The following ALPK1 variants were observed in gnomAD, a reference collection of about 807,000 sequenced individuals.
The protein encoded by ALPK1 is alpha kinase 1, also known as alpha-protein kinase 1.
ALPK1 carries 110 observed loss-of-function variants against 120.6 expected under a neutral mutation model. That is an observed-to-expected ratio of 0.91 (90% CI 0.78 to 1.07). ALPK1 has a LOEUF of 1.07. ALPK1 is among the 50% of genes least tolerant of loss of function. The probability of loss-of-function intolerance (pLI) is 0.00; values close to 1 mark genes in which losing one functional copy is unlikely to be tolerated. For synonymous variants in ALPK1, 582 were observed against 560.3 expected (o/e 1.04, Z -0.55); for missense variants, 1,498 against 1,483.9 (o/e 1.01, Z -0.16).
chr4:112,385,460 A>G (rs1002459333), intron 4 of ALPK1, among the ~76,000 whole-genome samples: 1 of 152,146 alleles, frequency 6.6e-6, no homozygotes. Flanking sequence ...AATGTATTTA[A>G]TCTGGCAGCT....
intron 6 of ALPK1, among the ~76,000 whole-genome samples, chr4:112,424,659 T>A (rs1206921657): frequency 6.6e-6 from 1 of 152,184 alleles, no homozygotes; most frequent in African/African-American, 2.4e-5. Flanking sequence ...TGCCTGAAAC[T>A]TGTGGACATT....
chr4:112,332,213 C>G (rs995632131), intron 2 of ALPK1, among the ~76,000 whole-genome samples: 5 of 152,118 alleles, frequency 3.3e-5, no homozygotes, highest in African/African-American at 1.2e-4. Flanking sequence ...AAATATAAAG[C>G]CTATGGTTTA....
At chr4:112,358,900 T>C in intron 2 of ALPK1, 1 of 770,518 alleles carries the variant, frequency 1.3e-6, no homozygotes, top group Non-Finnish European at 2.4e-6. Context: ...CTTGGCCTCC[T>C]CTTTGCTGAA....
At chr4:112,397,692 T>C (rs1162926005) in intron 4 of ALPK1, among the ~76,000 whole-genome samples, 2 of 152,226 alleles carry the variant, frequency 1.3e-5, no homozygotes, top group African/African-American at 4.8e-5. Flanking sequence ...GCTTAAAATG[T>C]ACATAATTTA....
chr4:112,379,093 C>T (rs1322063994), intron 3 of ALPK1, among the ~76,000 whole-genome samples: 1 of 152,198 alleles, frequency 6.6e-6, no homozygotes, highest in Non-Finnish European at 1.5e-5. Context: ...GTGTTGTGTT[C>T]TGTTGTTTCC....
Position 112,430,623 on chromosome 4 carries a change from T to C in ALPK1, c.1076T>C (p.Phe359Ser), listed in dbSNP as rs1734494854. The change falls in exon 11 of 16, where the codon TTC (phenylalanine) becomes TCC (serine). Residue 359 changes from phenylalanine (F) to serine (S), a missense_variant. By Grantham distance (155) the Phe-to-Ser change is radical. Coordinates refer to ENST00000650871, the MANE Select transcript of ALPK1 (RefSeq NM_025144.4). ...QELHSFVKAA[F>S]GLTTVHRRLH... is the part of the protein sequence containing the mutation. ...CTTCACAGCTTTGTCAAAGCTGCTTTCGGTCTCACCACAGTGCACAGAAGG... is the reference window on the plus strand; with the variant it reads ...CTTCACAGCTTTGTCAAAGCTGCTTCCGGTCTCACCACAGTGCACAGAAGG... The C allele has an allele frequency of 1.2e-6, 2 of 1,614,120 alleles. No homozygotes were observed.
In ALPK1 at chr4:112,432,435, G is replaced by C. The variant is rs1467137588; in HGVS notation, c.2888G>C (p.Gly963Ala). ...GGGAGTTCTTGGGTTTCATTGCCGG[G>C]AAAGATGAGGAAAGAGATCCTTGAG... is the stretch of plus-strand genomic sequence containing the variant. ...SSGSSWVSLP[G>A]KMRKEILEAR... Residue 963 changes from glycine (G) to alanine (A), a missense_variant, in exon 11 of 16, where the codon GGA (glycine) becomes GCA (alanine). Transcript: ENST00000650871. The C allele has an allele frequency of 6.2e-7, 1 of 1,614,032 alleles. No individual in the cohort carries two copies. Among genetic ancestry groups the C allele is most frequent in the African/African-American group, 1.3e-5 (1 of 74,916 alleles).
intron 6 of ALPK1, 186 bp from the exon 7 acceptor site, chr4:112,425,479 A>G (rs1228712012): frequency 6.5e-6 from 3 of 462,752 alleles, no homozygotes; most frequent in Non-Finnish European, 1.2e-5. Context: ...ACTGGAGACC[A>G]GACAGGAGTC....
intron 1 of ALPK1, among the ~76,000 whole-genome samples, chr4:112,310,467 T>C (rs534943131): frequency 3.3e-5 from 5 of 152,258 alleles, no homozygotes; most frequent in Admixed American, 6.5e-5. Context: ...TCAGCGGGTA[T>C]GTGTTTTAAA....
At chr4:112,309,024 G>A (rs1379948869) in intron 1 of ALPK1, among the ~76,000 whole-genome samples, 3 of 152,160 alleles carry the variant, frequency 2.0e-5, no homozygotes, top group Non-Finnish European at 4.4e-5. Context: ...TCCAGACCCT[G>A]TTTGCCTGGG....
rs554668253 is a variant in ALPK1, at chr4:112,425,643, G to A, written c.536-22G>A. The A allele has an allele frequency of 9.7e-5, 156 of 1,602,074 alleles. 3 individuals carry two copies. The South Asian group carries it at 1.5e-3, about 15-fold the overall frequency. On this transcript the variant is annotated intron_variant, in intron 6 of 15. Transcript: ENST00000650871. ...AGGCTATATCTCTGATAATTCAAGG[G>A]AATTTTCATCTTTTCTTTTAGGTAC...
At chr4:112,367,689 C>A (rs1286330880) in intron 2 of ALPK1, among the ~76,000 whole-genome samples, 1 of 152,164 alleles carries the variant, frequency 6.6e-6, no homozygotes, top group Admixed American at 6.5e-5. Flanking sequence ...AATTTGCAAT[C>A]ACAATTATCT....
intron 2 of ALPK1, among the ~76,000 whole-genome samples, chr4:112,362,547 TA>T (rs991486049): frequency 6.6e-6 from 1 of 150,644 alleles, no homozygotes; most frequent in Admixed American, 6.6e-5. Flanking sequence ...AAAAAAGAAT[TA>T]AAAAAAAATG....
chr4:112,411,722 G>A (rs1426178075), intron 4 of ALPK1, 105 bp from the exon 5 acceptor site: 3 of 1,073,984 alleles, frequency 2.8e-6, no homozygotes, highest in Admixed American at 2.3e-5. Context: ...TCTCTTCCTA[G>A]CTGTGGGTTT....
chr4:112,311,023 G>A (rs1298320832), intron 1 of ALPK1, among the ~76,000 whole-genome samples: 1 of 152,186 alleles, frequency 6.6e-6, no homozygotes, highest in African/African-American at 2.4e-5. Flanking sequence ...AAGGTGACTT[G>A]CACAAGTTCA....
chr4:112,351,874 C>A (rs1730375664), intron 2 of ALPK1, among the ~76,000 whole-genome samples: 1 of 152,204 alleles, frequency 6.6e-6, no homozygotes, highest in Non-Finnish European at 1.5e-5. Flanking sequence ...TATATATAAT[C>A]AATTATCTCA....
At chr4:112,305,884 T>G (rs994932243) in intron 1 of ALPK1, among the ~76,000 whole-genome samples, 5 of 152,160 alleles carry the variant, frequency 3.3e-5, no homozygotes, top group African/African-American at 1.2e-4. Context: ...TGGCTGTGGG[T>G]TTGTCATAGA....
chr4:112,325,992 G>A (rs1203172203), intron 2 of ALPK1, among the ~76,000 whole-genome samples: 1 of 152,082 alleles, frequency 6.6e-6, no homozygotes, highest in Non-Finnish European at 1.5e-5. Context: ...ACTCAAACTG[G>A]TGTCTCTGGC....
At chr4:112,422,937 C>T (rs1734065912) in intron 5 of ALPK1, among the ~76,000 whole-genome samples, 1 of 152,224 alleles carries the variant, frequency 6.6e-6, no homozygotes, top group Admixed American at 6.5e-5. Flanking sequence ...AGACTTCTGC[C>T]ACATTCCATT....
Sources: allele counts gnomAD v4.1 joint callset (sites outside exome capture counted in the v4.1 genomes callset), GRCh38; gene constraint gnomAD v4.1.1; transcripts MANE v1.5; gene names NCBI Gene and HGNC (gene_info 2026-07-23, HGNC 2026-07-21).